Variants in DNAH6 observed in about 807,000 individuals in gnomAD.
DNAH6 encodes the protein dynein axonemal heavy chain 6.
A neutral mutation model predicts 491.4 loss-of-function variants in DNAH6; 340 were observed. The ratio of observed to expected loss-of-function variants is 0.69; its 90% CI spans 0.63 to 0.76. The LOEUF (loss-of-function observed/expected upper bound fraction) is 0.76, where lower values mean the gene tolerates loss of function less well. DNAH6 is among the 30% of genes least tolerant of loss of function. The pLI is 0.00. For synonymous variants in DNAH6, 1,603 were observed against 1,686.1 expected (o/e 0.95, Z 1.21); for missense variants, 4,443 against 4,972.2 (o/e 0.89, Z 3.20).
At chr2:84,705,809 G>T in intron 52 of DNAH6, 62 bp downstream of exon 52, 1 of 1,487,174 alleles carries the variant, frequency 6.7e-7, no homozygotes, top group Non-Finnish European at 9.0e-7. Flanking sequence ...GTCATTTCAA[G>T]TTCTCTGTAT....
intron 45 of DNAH6, among the ~76,000 whole-genome samples, chr2:84,690,599 GT>G (rs1182324599): frequency 6.6e-6 from 1 of 152,138 alleles, no homozygotes; most frequent in Non-Finnish European, 1.5e-5. Context: ...GCCCCTCAAG[GT>G]TTGCTTAAAA....
intron 68 of DNAH6, among the ~76,000 whole-genome samples, chr2:84,791,639 A>C (rs993317885): frequency 6.7e-5 from 10 of 150,330 alleles, no homozygotes; most frequent in Non-Finnish European, 1.0e-4. Context: ...ACCAAAAATT[A>C]ATGAATTTAT....
chr2:84,744,328 C>T (rs1672772261), intron 62 of DNAH6, among the ~76,000 whole-genome samples: 1 of 152,190 alleles, frequency 6.6e-6, no homozygotes, highest in Admixed American at 6.5e-5. Flanking sequence ...AGGCTTATAC[C>T]ATATGCATTC....
At chr2:84,669,157 T>C in intron 37 of DNAH6, 132 bp from the exon 38 acceptor site, 3 of 675,746 alleles carry the variant, frequency 4.4e-6, no homozygotes, top group Admixed American at 2.6e-5. Context: ...TAACTATGTA[T>C]CTACAAAGGA....
At chr2:84,482,193 A>G in the DNAH6 span, among the ~76,000 whole-genome samples, 1 of 152,230 alleles carries the variant, frequency 6.6e-6, no homozygotes, top group African/African-American at 2.4e-5. Context: ...AGCTTCCACT[A>G]TATATAAAAT....
At chr2:84,818,087 A>G (rs1227170224) in intron 76 of DNAH6, among the ~76,000 whole-genome samples, 2 of 152,158 alleles carry the variant, frequency 1.3e-5, no homozygotes, top group African/African-American at 4.8e-5. Context: ...ACAAACTAAC[A>G]TTATCTGAAA....
intron 64 of DNAH6, among the ~76,000 whole-genome samples, chr2:84,766,473 A>G (rs1482025819): frequency 6.6e-6 from 1 of 152,220 alleles, no homozygotes; most frequent in Non-Finnish European, 1.5e-5. Flanking sequence ...GTGGAAGTAG[A>G]TGACAAAAAC....
At chr2:84,575,178 C>G (rs549991803) in intron 12 of DNAH6, among the ~76,000 whole-genome samples, 9 of 152,280 alleles carry the variant, frequency 5.9e-5, no homozygotes, top group African/African-American at 2.2e-4. Flanking sequence ...ATCAACCTTA[C>G]CTGTTATTTG....
chr2:84,636,203 G>A (rs889746115), intron 30 of DNAH6, among the ~76,000 whole-genome samples: 4 of 152,146 alleles, frequency 2.6e-5, no homozygotes, highest in African/African-American at 9.7e-5. Context: ...TTAGTTTAGT[G>A]TGCAGGACTC....
Position 84,762,823 on chromosome 2 carries a change from G to A in DNAH6, c.10581G>A (p.Val3527=). 2 of 1,551,174 alleles carry A rather than the reference G, an allele frequency of 1.3e-6. No individual in the cohort carries two copies. The highest frequency in any genetic ancestry group is 2.4e-5 in the East Asian group (1 of 40,914). ...AACAGTTTATAGAGACACCACCTGT[G>A]GACCTGCCTACCCTGTATCAAGACA... ...LGKQFIETPP[V]DLPTLYQDMS... is the part of the protein sequence containing the mutation. The change falls in exon 64 of 77, where the codon GTG becomes GTA. Residue 3527 remains valine (V), a synonymous_variant. Coordinates refer to ENST00000389394, the MANE Select transcript of DNAH6 (RefSeq NM_001370.2).
intron 11 of DNAH6, among the ~76,000 whole-genome samples, chr2:84,558,422 T>TAAA (rs78113898): frequency 9.2e-6 from 1 of 108,984 alleles, no homozygotes; most frequent in African/African-American, 3.4e-5. Flanking sequence ...AGACTCCATC[T>TAAA]AAAAAAAAAA....
intron 52 of DNAH6, among the ~76,000 whole-genome samples, chr2:84,706,080 C>T (rs929312538): frequency 6.6e-6 from 1 of 152,186 alleles, no homozygotes; most frequent in Non-Finnish European, 1.5e-5. Context: ...ATGGTGTCAT[C>T]TGAGGTTTTA....
intron 63 of DNAH6, among the ~76,000 whole-genome samples, chr2:84,756,571 A>G (rs909193420): frequency 3.3e-4 from 51 of 152,344 alleles, no homozygotes; most frequent in African/African-American, 1.2e-3. Flanking sequence ...GTCACCTAAT[A>G]CACTATAGCT....
upstream of DNAH6, among the ~76,000 whole-genome samples, chr2:84,515,223 A>G (rs1435204059): frequency 1.3e-5 from 2 of 152,196 alleles, no homozygotes; most frequent in Non-Finnish European, 2.9e-5. Flanking sequence ...TGGGGAATTA[A>G]TCTTTATTTT....
chr2:84,654,932 C>A, intron 35 of DNAH6, 150 bp downstream of exon 35: 1 of 871,328 alleles, frequency 1.1e-6, no homozygotes, highest in South Asian at 1.8e-5. Flanking sequence ...TTCCTGGAAT[C>A]GTCCAGGAAT....
rs552381370 is a variant in DNAH6 at position 84,776,055 on chromosome 2, G to A, written c.10704-5438G>A. On this transcript the variant is annotated intron_variant, in intron 64 of 76. Transcript: ENST00000389394. ...GGATAGTTGGTTGTATTGTTTATAT[G>A]TAGATCTTTTCACATTATATTGTAA... is the stretch of plus-strand genomic sequence containing the variant. Among the ~76,000 whole-genome samples, 32 of 152,244 alleles carry A rather than the reference G, an allele frequency of 2.1e-4. No homozygotes were observed. The South Asian group carries it at 6.6e-3, about 32-fold the overall frequency.
chr2:84,710,181 T>G, intron 55 of DNAH6, 106 bp from the exon 56 acceptor site: 2 of 1,411,482 alleles, frequency 1.4e-6, no homozygotes, highest in Non-Finnish European at 1.9e-6. Flanking sequence ...ATTTCAAATT[T>G]GTTTCTAGAT....
intron 40 of DNAH6, among the ~76,000 whole-genome samples, chr2:84,674,141 T>C (rs188733338): frequency 2.0e-5 from 3 of 152,292 alleles, no homozygotes; most frequent in Non-Finnish European, 2.9e-5. Flanking sequence ...ATTCTAAGGA[T>C]TTCCCACCTA....
At chr2:84,571,652 G>T (rs980102706) in intron 11 of DNAH6, among the ~76,000 whole-genome samples, 1 of 151,864 alleles carries the variant, frequency 6.6e-6, no homozygotes, top group Non-Finnish European at 1.5e-5. Context: ...AGTGGCTCAC[G>T]CCTGTAATTC....
Sources: allele counts gnomAD v4.1 joint callset (sites outside exome capture counted in the v4.1 genomes callset), GRCh38; gene constraint gnomAD v4.1.1; transcripts MANE v1.5; gene names NCBI Gene and HGNC (gene_info 2026-07-23, HGNC 2026-07-21).